TOPBP1: variants seen among roughly 807,000 people sequenced by gnomAD.
The protein encoded by TOPBP1 is DNA topoisomerase 2-binding protein 1.
In TOPBP1, 28 loss-of-function variants were observed where a neutral mutation model predicts 167.7. The ratio of observed to expected loss-of-function variants is 0.17; its 90% CI spans 0.12 to 0.23. TOPBP1 has a LOEUF of 0.23. TOPBP1 is among the 10% of genes least tolerant of loss of function. TOPBP1 has a pLI of 1.00. For synonymous variants in TOPBP1, 598 were observed against 611.4 expected, an observed-to-expected ratio of 0.98 and a Z score of 0.32; for missense variants, 1,554 against 1,809.6, an observed-to-expected ratio of 0.86 and a Z score of 2.56.
At chr3:133,619,506 A>AC in intron 20 of TOPBP1, among the ~76,000 whole-genome samples, 1 of 152,352 alleles carries the variant, frequency 6.6e-6, no homozygotes, top group African/African-American at 2.4e-5. Context: ...AGCTTAAGTC[A>AC]CATCACACTA....
At chr3:133,659,207 C>T in intron 2 of TOPBP1, 57 bp from the exon 3 acceptor site, 1 of 1,453,096 alleles carries the variant, frequency 6.9e-7, no homozygotes, top group South Asian at 1.4e-5. Flanking sequence ...TATTTAGGTC[C>T]TATTCAAATT....
intron 8 of TOPBP1, among the ~76,000 whole-genome samples, 198 bp from the exon 9 acceptor site, chr3:133,650,141 T>C (rs1186206684): frequency 6.6e-6 from 1 of 152,178 alleles, no homozygotes; most frequent in Non-Finnish European, 1.5e-5. Flanking sequence ...TACAATCTCA[T>C]ACAGCATTAT....
At chr3:133,644,562 A>G (rs999076843) in intron 10 of TOPBP1, among the ~76,000 whole-genome samples, 199 bp from the exon 11 acceptor site, 1 of 152,224 alleles carries the variant, frequency 6.6e-6, no homozygotes, top group Non-Finnish European at 1.5e-5. Flanking sequence ...ACCATCATCC[A>G]TTGGGAAGGA....
intron 10 of TOPBP1, among the ~76,000 whole-genome samples, chr3:133,648,728 G>A (rs1248795530): frequency 1.3e-5 from 2 of 152,038 alleles, no homozygotes; most frequent in Non-Finnish European, 2.9e-5. Context: ...AACCTGGGAG[G>A]CAGAGGTTGC....
At chr3:133,632,481 T>C (rs1382756893) in intron 14 of TOPBP1, among the ~76,000 whole-genome samples, 2 of 152,210 alleles carry the variant, frequency 1.3e-5, no homozygotes, top group Non-Finnish European at 2.9e-5. Context: ...AACAGATTAA[T>C]ACACCTTTAT....
chr3:133,602,895 T>A (rs1277015650), intron 27 of TOPBP1, among the ~76,000 whole-genome samples: 1 of 149,214 alleles, frequency 6.7e-6, no homozygotes, highest in Non-Finnish European at 1.5e-5. Context: ...TTTTTTCATT[T>A]TTTTTTTTTT....
At position 133,634,044 on chromosome 3, in the gene TOPBP1, C is replaced by G. The variant is rs1037385350; in HGVS notation, c.2520+3832G>C. On this transcript the variant is annotated intron_variant, in intron 14 of 27. Transcript: ENST00000260810. ...CTAGATCTTTAGGCTCCAATCCCAACCTGTTCTGTTCAACTCAGTTTGGAC... is the reference window on the plus strand; with the variant it reads ...CTAGATCTTTAGGCTCCAATCCCAAGCTGTTCTGTTCAACTCAGTTTGGAC... Among the ~76,000 whole-genome samples, 28 of 152,216 alleles carry G rather than the reference C, an allele frequency of 1.8e-4. 1 individual carries two copies. The highest frequency in any genetic ancestry group is 5.9e-5 in the Non-Finnish European group (4 of 68,044).
chr3:133,612,153 T>A (rs1379098333), intron 24 of TOPBP1, among the ~76,000 whole-genome samples: 1 of 152,024 alleles, frequency 6.6e-6, no homozygotes, highest in Non-Finnish European at 1.5e-5. Flanking sequence ...GTGATTCTCC[T>A]GCCTCAGCCT....
chr3:133,658,546 A>G (rs1936566614), intron 3 of TOPBP1, among the ~76,000 whole-genome samples: 1 of 151,932 alleles, frequency 6.6e-6, no homozygotes, highest in Non-Finnish European at 1.5e-5. Flanking sequence ...GCTTACATCT[A>G]TAAGCCCAAT....
At chr3:133,623,683 C>T (rs1275741198) in intron 17 of TOPBP1, among the ~76,000 whole-genome samples, 1 of 152,144 alleles carries the variant, frequency 6.6e-6, no homozygotes, top group Non-Finnish European at 1.5e-5. Flanking sequence ...GAAACCATTC[C>T]TGTGCTTTTG....
rs1294979880 is a variant in TOPBP1 at position 133,649,819 on chromosome 3, T to C, written c.1214A>G (p.Asp405Gly). 1.2e-6 allele frequency: 2 copies of C among 1,609,578 alleles called. No homozygotes were observed. The highest frequency in any genetic ancestry group is 1.7e-6 in the Non-Finnish European group (2 of 1,178,978). Residue 405 changes from aspartate to glycine, a missense_variant, in exon 9 of 28, where the codon GAT becomes GGT. Physicochemically the swap from Asp to Gly is moderately conservative, Grantham distance 94. Around this residue, in one of 3 missense-constraint regions of TOPBP1, gnomAD observed 1,197 missense variants for 1,351.5 expected, o/e 0.89. Coordinates refer to ENST00000260810, the MANE Select transcript of TOPBP1 (RefSeq NM_007027.4). The part of the protein sequence containing the change: ...DVTHVIVGDY[D>G]DELKQFWNKS... ...ATTCCAAAACTGCTTCAATTCATCA[T>C]CATAATCTCCCACAATAACATGAGT...
intron 4 of TOPBP1, 30 bp downstream of exon 4, chr3:133,657,768 T>C: frequency 4.1e-6 from 6 of 1,471,938 alleles, no homozygotes; most frequent in East Asian, 2.5e-5. Flanking sequence ...GATATATAAA[T>C]TGATCAATCA....
chr3:133,658,943 G>C, intron 3 of TOPBP1, 73 bp downstream of exon 3: 1 of 1,459,990 alleles, frequency 6.8e-7, no homozygotes, highest in Non-Finnish European at 9.1e-7. Flanking sequence ...AATCCGCAAA[G>C]AATGTATGTC....
intron 7 of TOPBP1, 47 bp downstream of exon 7, chr3:133,653,298 A>C (rs756868036): frequency 3.1e-5 from 46 of 1,482,006 alleles, no homozygotes; most frequent in Non-Finnish European, 4.1e-5. Context: ...ATTACATAGA[A>C]ATATGACTGT....
chr3:133,640,441 T>C (rs1402513121), intron 12 of TOPBP1, among the ~76,000 whole-genome samples: 1 of 152,168 alleles, frequency 6.6e-6, no homozygotes, highest in Non-Finnish European at 1.5e-5. Context: ...GACAGGGTCT[T>C]GCTATGTTGT....
At chr3:133,643,879 T>G (rs1935983554) in intron 11 of TOPBP1, 141 bp downstream of exon 11, 4 of 832,558 alleles carry the variant, frequency 4.8e-6, no homozygotes, top group South Asian at 4.0e-5. Flanking sequence ...ATTTTGAATT[T>G]CCCTTGCTAA....
chr3:133,634,998 G>C (rs1160128140), intron 14 of TOPBP1, among the ~76,000 whole-genome samples: 1 of 152,160 alleles, frequency 6.6e-6, no homozygotes. Context: ...GAGAGAAAAG[G>C]GGGAAAGAGA....
At chr3:133,621,840 A>T (rs1935097661) in intron 19 of TOPBP1, among the ~76,000 whole-genome samples, 1 of 152,244 alleles carries the variant, frequency 6.6e-6, no homozygotes, top group African/African-American at 2.4e-5. Context: ...ATTAAAAGAC[A>T]TCCATGTATA....
At chr3:133,630,460 G>A (rs757093251) in intron 14 of TOPBP1, among the ~76,000 whole-genome samples, 7 of 151,962 alleles carry the variant, frequency 4.6e-5, no homozygotes, top group Non-Finnish European at 8.8e-5. Context: ...CCTGTGCTCA[G>A]CTAATTTTAA....
Sources: gnomAD v4.1 joint callset for allele counts (sites outside exome capture counted in the v4.1 genomes callset) on GRCh38, gnomAD v4.1.1 for gene constraint, gnomAD v4.1.1 regional missense constraint, MANE v1.5 for transcripts, NCBI Gene and HGNC (gene_info 2026-07-23, HGNC 2026-07-21) for gene names.